The following RCAN3 variants were observed in gnomAD, a reference collection of about 807,000 sequenced individuals.
The protein encoded by RCAN3 is calcipressin-3.
RCAN3 carries 19 observed loss-of-function variants against 21.9 expected under a neutral mutation model. The observed-to-expected ratio is 0.87, with a 90% CI of 0.61 to 1.27. The LOEUF (loss-of-function observed/expected upper bound fraction) is 1.27. Ranked by LOEUF, RCAN3 falls within the 50% of genes most tolerant of loss-of-function variation. The pLI is 0.00. For synonymous variants in RCAN3, 114 were observed against 112.3 expected (o/e 1.01, Z -0.09); for missense variants, 240 against 300.1 (o/e 0.80, Z 1.48).
chr1:24,510,054 G>T (rs75312377), intron 1 of RCAN3, among the ~76,000 whole-genome samples: 1,661 of 152,258 alleles, frequency 0.011, 22 homozygotes, highest in South Asian at 0.05. Context: ...TTTCTTAGCA[G>T]TAGGTCTCAA....
intron 2 of RCAN3, among the ~76,000 whole-genome samples, chr1:24,529,460 C>T (rs1355759214): frequency 2.8e-5 from 4 of 145,118 alleles, no homozygotes; most frequent in South Asian, 2.2e-4. Flanking sequence ...GAAGTAGGGG[C>T]GGGTGGCTTG....
At chr1:24,507,692 C>T (rs1051714277) in intron 1 of RCAN3, 1 of 152,200 alleles carries the variant, frequency 6.6e-6, no homozygotes, top group African/African-American at 2.4e-5. Flanking sequence ...TCCGCAGGGC[C>T]CCTTTCCAGA....
At chr1:24,510,950 C>T (rs9424377) in intron 1 of RCAN3, among the ~76,000 whole-genome samples, 10,284 of 151,978 alleles carry the variant, frequency 0.068, 1,100 homozygotes, top group African/African-American at 0.23. Flanking sequence ...GTAGGGAGCC[C>T]GAGGAGAGGG....
intron 2 of RCAN3, among the ~76,000 whole-genome samples, chr1:24,518,160 A>G (rs1250634977): frequency 6.6e-6 from 1 of 151,860 alleles, no homozygotes; most frequent in Non-Finnish European, 1.5e-5. Flanking sequence ...CCCCATCTCT[A>G]TAAAAAAATT....
chr1:24,504,918 A>G (rs1647311138), intron 1 of RCAN3, among the ~76,000 whole-genome samples: 5 of 152,228 alleles, frequency 3.3e-5, no homozygotes. Flanking sequence ...GTTTATTTCT[A>G]TCTGTCTCTT....
chr1:24,505,467 C>A (rs1315967275), intron 1 of RCAN3, among the ~76,000 whole-genome samples: 1 of 151,978 alleles, frequency 6.6e-6, no homozygotes, highest in Non-Finnish European at 1.5e-5. Context: ...TGGCAGCCCG[C>A]CTGCCTCCGC....
chr1:24,533,770 A>C (rs973734729), intron 4 of RCAN3, among the ~76,000 whole-genome samples: 7 of 152,262 alleles, frequency 4.6e-5, no homozygotes, highest in Non-Finnish European at 1.0e-4. Flanking sequence ...ACTGTACTCC[A>C]GCCTAGGCAA....
At chr1:24,534,294 G>C (rs1232646969) in intron 4 of RCAN3, among the ~76,000 whole-genome samples, 1 of 152,092 alleles carries the variant, frequency 6.6e-6, no homozygotes, top group Non-Finnish European at 1.5e-5. Context: ...CTCCCAAACT[G>C]AAACCATTAT....
At chr1:24,523,603 TACAC>T (rs71577716) in intron 2 of RCAN3, among the ~76,000 whole-genome samples, 18,060 of 140,662 alleles carry the variant, frequency 0.13, 1,200 homozygotes, top group African/African-American at 0.18. Flanking sequence ...TTATTTCTAA[TACAC>T]ACACACACAC....
rs1307868593 is a variant in RCAN3 at position 24,536,585 on chromosome 1, C to T, written c.*1308C>T. ...TTGGGCCGGGTGGGTCTGCTGGCCT[C>T]CACTCACTGTGCTGTTTCCTTTGAG... On this transcript the variant is annotated 3_prime_UTR_variant, in exon 5 of 5. Transcript: ENST00000374395. 2.0e-5 allele frequency: 3 copies of T among 152,232 alleles called. No homozygotes were observed. Among genetic ancestry groups the T allele is most frequent in the African/African-American group, 7.2e-5 (3 of 41,444 alleles). 9.4% of individuals were successfully genotyped at this position (152,232 alleles called of 1,614,324 possible).
chr1:24,524,828 G>GTTTTTTT (rs5773091), intron 2 of RCAN3, among the ~76,000 whole-genome samples: 4 of 127,228 alleles, frequency 3.1e-5, no homozygotes, highest in Admixed American at 8.5e-5. Flanking sequence ...GTTTTCTTTT[G>GTTTTTTT]TTTTTTTTTT....
At chr1:24,505,245 T>C (rs1471029417) in intron 1 of RCAN3, among the ~76,000 whole-genome samples, 6 of 110,546 alleles carry the variant, frequency 5.4e-5, no homozygotes, top group South Asian at 2.9e-4. Context: ...TTTTTTTTTT[T>C]TTTTTTTTCT....
chr1:24,526,791 C>T (rs1284012725), intron 2 of RCAN3, among the ~76,000 whole-genome samples: 1 of 152,080 alleles, frequency 6.6e-6, no homozygotes, highest in Non-Finnish European at 1.5e-5. Flanking sequence ...GTTTAAAATA[C>T]ATTTAAAATA....
At chr1:24,517,821 C>T (rs1275253597) in intron 2 of RCAN3, among the ~76,000 whole-genome samples, 2 of 151,830 alleles carry the variant, frequency 1.3e-5, no homozygotes, top group East Asian at 1.9e-4. Context: ...AGTGAGACCT[C>T]GTTTCTATTA....
chr1:24,521,296 A>G (rs978977067), intron 2 of RCAN3, among the ~76,000 whole-genome samples: 2 of 152,232 alleles, frequency 1.3e-5, no homozygotes, highest in African/African-American at 4.8e-5. Context: ...TATATCAAAT[A>G]AAAAATTAGA....
At chr1:24,531,074 G>GA in intron 2 of RCAN3, 144 bp from the exon 3 acceptor site, 1 of 578,024 alleles carries the variant, frequency 1.7e-6, no homozygotes, top group Non-Finnish European at 3.0e-6. Flanking sequence ...ATATGTGCAA[G>GA]AAAAGTATAC....
intron 1 of RCAN3, among the ~76,000 whole-genome samples, chr1:24,511,832 G>A (rs1465278224): frequency 2.6e-5 from 4 of 152,192 alleles, no homozygotes; most frequent in Non-Finnish European, 5.9e-5. Context: ...TAAAATGTGG[G>A]ATGCCTGTTG....
At position 24,533,195 on chromosome 1, in the gene RCAN3, A is replaced by T. The variant is rs375739733; in HGVS notation, c.482A>T (p.Glu161Val). ...ASPPVGWKQS[E>V]DAMPVINYDL... ...CCCCCGGTGGGGTGGAAGCAGAGCG[A>T]AGATGCGATGCCTGTTATAAATTAT... The change falls in exon 4 of 5, where the codon GAA becomes GTA. Residue 161 changes from glutamate to valine, a missense_variant. Coordinates refer to ENST00000374395, the MANE Select transcript of RCAN3 (RefSeq NM_013441.4). 167 of 1,607,292 alleles carry T rather than the reference A, an allele frequency of 1.0e-4. No homozygotes were observed. Among genetic ancestry groups the T allele is most frequent in the Non-Finnish European group, 1.4e-4 (162 of 1,177,908 alleles).
At chr1:24,521,906 G>A (rs976684166) in intron 2 of RCAN3, among the ~76,000 whole-genome samples, 1 of 109,710 alleles carries the variant, frequency 9.1e-6, no homozygotes, top group East Asian at 2.2e-4. Context: ...TGGTTGCTGG[G>A]GGGGGTGGGG....
Sources: allele counts gnomAD v4.1 joint callset (sites outside exome capture counted in the v4.1 genomes callset), GRCh38; gene constraint gnomAD v4.1.1; transcripts MANE v1.5; gene names NCBI Gene and HGNC (gene_info 2026-07-23, HGNC 2026-07-21).